RNF150: variants seen among roughly 807,000 people sequenced by gnomAD.
RNF150 encodes the protein ring finger protein 150.
Under a neutral mutation model 39.3 loss-of-function variants are expected in RNF150, and 24 were observed. The ratio of observed to expected loss-of-function variants is 0.61; its 90% confidence interval spans 0.44 to 0.86. The LOEUF (loss-of-function observed/expected upper bound fraction) is 0.86, where lower values mean the gene tolerates loss of function less well. Ranked by LOEUF, RNF150 falls within the 40% of genes least tolerant of loss-of-function variation. RNF150 has a pLI of 0.00. For missense variants in RNF150, 502 were observed against 587.8 expected, an observed-to-expected ratio of 0.85 and a Z score of 1.51; for synonymous variants, 255 against 227.3, an observed-to-expected ratio of 1.12 and a Z score of -1.10.
At chr4:140,951,573 A>C (rs1732542979) in intron 2 of RNF150, among the ~76,000 whole-genome samples, 1 of 150,266 alleles carries the variant, frequency 6.7e-6, no homozygotes, top group Non-Finnish European at 1.5e-5. Context: ...TTTTGCAAGG[A>C]AAACAACCTG....
chr4:141,148,828 G>A (rs1560759870), intron 1 of RNF150, among the ~76,000 whole-genome samples: 1 of 151,948 alleles, frequency 6.6e-6, no homozygotes, highest in African/African-American at 2.4e-5. Context: ...CAAATTTTTG[G>A]TCTCCTTTCT....
intron 1 of RNF150, among the ~76,000 whole-genome samples, chr4:141,209,837 C>T (rs532431647): frequency 6.6e-6 from 1 of 152,150 alleles, no homozygotes; most frequent in African/African-American, 2.4e-5. Context: ...AAGACCCCAT[C>T]CCTAAAAGAC....
chr4:140,910,941 T>G (rs1730572951), intron 6 of RNF150: 1 of 600,810 alleles, frequency 1.7e-6, no homozygotes, highest in Non-Finnish European at 2.9e-6. Flanking sequence ...GGCAGGAGCA[T>G]GGGCACACAG....
intron 1 of RNF150, among the ~76,000 whole-genome samples, chr4:141,027,960 G>T (rs1228732284): frequency 2.1e-5 from 2 of 96,952 alleles, no homozygotes; most frequent in African/African-American, 4.2e-5. Flanking sequence ...TTTCAATCCT[G>T]CTGGATCAAG....
intron 1 of RNF150, among the ~76,000 whole-genome samples, chr4:141,120,131 T>C (rs1726563014): frequency 6.6e-6 from 1 of 152,300 alleles, no homozygotes; most frequent in Admixed American, 6.5e-5. Context: ...AACCAAGCCA[T>C]CATGGAGTTT....
chr4:141,179,957 C>A (rs1268984910), intron 1 of RNF150, among the ~76,000 whole-genome samples: 1 of 152,176 alleles, frequency 6.6e-6, no homozygotes, highest in Non-Finnish European at 1.5e-5. Context: ...CTTTGCTTGG[C>A]TCTCCCGTTA....
chr4:141,131,807 A>G (rs1031412976), intron 1 of RNF150, among the ~76,000 whole-genome samples: 2 of 152,136 alleles, frequency 1.3e-5, no homozygotes, highest in Non-Finnish European at 2.9e-5. Flanking sequence ...TACTTTTAAT[A>G]TGATTAATGA....
Position 140,907,177 on chromosome 4 carries a change from G to A in RNF150, c.1198+3967C>T, listed in dbSNP as rs2303413. The stretch of plus-strand genomic sequence containing the variant: ...CTGAGCTTGAGAAGTTAAAGGCAAA[G>A]TGTGTTTTTGGCATGATCAGGCTTA... On this transcript the variant is annotated intron_variant, in intron 6 of 6. Coordinates refer to ENST00000515673, the MANE Select transcript of RNF150 (RefSeq NM_020724.2). Among the ~76,000 whole-genome samples, 7 of 152,292 alleles carry A rather than the reference G, an allele frequency of 4.6e-5. No individual in the cohort carries two copies. In the East Asian group the frequency reaches 1.3e-3, roughly 29 times the overall value.
intron 2 of RNF150, among the ~76,000 whole-genome samples, chr4:140,966,922 G>T (rs1194070532): frequency 6.6e-6 from 1 of 152,128 alleles, no homozygotes; most frequent in Non-Finnish European, 1.5e-5. Context: ...AATAGGTGCT[G>T]GTTAAATAGA....
intron 2 of RNF150, among the ~76,000 whole-genome samples, chr4:140,951,395 G>A (rs1169408558): frequency 6.6e-6 from 1 of 151,906 alleles, no homozygotes; most frequent in African/African-American, 2.4e-5. Context: ...ATAGCTTTGG[G>A]TTTAAAAAAA....
intron 1 of RNF150, among the ~76,000 whole-genome samples, chr4:140,998,459 T>G (rs997689148): frequency 1.3e-5 from 2 of 152,194 alleles, no homozygotes; most frequent in African/African-American, 2.4e-5. Flanking sequence ...TGCTGGAAAC[T>G]TGATCTTGGA....
chr4:141,207,074 G>A (rs1156552776), intron 1 of RNF150, among the ~76,000 whole-genome samples: 2 of 152,088 alleles, frequency 1.3e-5, no homozygotes, highest in African/African-American at 2.4e-5. Flanking sequence ...CTGTTGGATG[G>A]TACTCACCCA....
chr4:140,900,349 A>C (rs1730145696), intron 6 of RNF150, among the ~76,000 whole-genome samples: 1 of 152,214 alleles, frequency 6.6e-6, no homozygotes, highest in Admixed American at 6.5e-5. Context: ...TTGCCAATTT[A>C]CTGATGGGCT....
intron 1 of RNF150, among the ~76,000 whole-genome samples, chr4:140,970,499 C>T (rs1733424040): frequency 7.3e-6 from 1 of 136,684 alleles, no homozygotes; most frequent in Non-Finnish European, 1.5e-5. Context: ...TCCTAAATTA[C>T]TTATACTTAA....
intron 1 of RNF150, among the ~76,000 whole-genome samples, chr4:141,103,420 T>C (rs1012948972): frequency 2.0e-5 from 3 of 152,176 alleles, no homozygotes; most frequent in African/African-American, 7.2e-5. Flanking sequence ...TTAGCAAACA[T>C]TGTGGCCGCA....
At chr4:140,997,480 G>C (rs1734417441) in intron 1 of RNF150, among the ~76,000 whole-genome samples, 1 of 152,056 alleles carries the variant, frequency 6.6e-6, no homozygotes, top group African/African-American at 2.4e-5. Context: ...AAATTAGCTG[G>C]GCTTGGTGGC....
In RNF150 at chr4:140,902,936, A is replaced by C. The variant is rs534792554; in HGVS notation, c.1198+8208T>G. On this transcript the variant is annotated intron_variant, in intron 6 of 6. Coordinates refer to ENST00000515673, the MANE Select transcript of RNF150 (RefSeq NM_020724.2). ...TCTTAAGAATGTGGCTCGGGGAGAAAGCTAAGGGCACAGTTCCTTGCTAGG... is the reference window on the plus strand; with the variant it reads ...TCTTAAGAATGTGGCTCGGGGAGAACGCTAAGGGCACAGTTCCTTGCTAGG... Among the ~76,000 whole-genome samples, 3 of 152,278 alleles carry C rather than the reference A, an allele frequency of 2.0e-5. No individual in the cohort carries two copies. In the East Asian group the frequency reaches 5.8e-4, roughly 29 times the overall value.
chr4:141,177,058 A>G (rs1382654406), intron 1 of RNF150, among the ~76,000 whole-genome samples: 1 of 149,416 alleles, frequency 6.7e-6, no homozygotes, highest in Non-Finnish European at 1.5e-5. Context: ...TCCTAGGAAA[A>G]AAAAAAAAAA....
intron 1 of RNF150, among the ~76,000 whole-genome samples, chr4:141,014,625 C>T (rs1178872398): frequency 2.6e-5 from 2 of 76,146 alleles, no homozygotes; most frequent in East Asian, 2.9e-4. Context: ...CAATTGGCCA[C>T]ATTTGCAACT....
Sources: allele counts gnomAD v4.1 joint callset (sites outside exome capture counted in the v4.1 genomes callset), GRCh38; gene constraint gnomAD v4.1.1; transcripts MANE v1.5; gene names NCBI Gene and HGNC (gene_info 2026-07-23, HGNC 2026-07-21).